PRKAR1B: variants seen among roughly 807,000 people sequenced by gnomAD.
The protein encoded by PRKAR1B is cAMP-dependent protein kinase type I-beta regulatory subunit.
PRKAR1B carries 22 observed loss-of-function variants against 46.5 expected under a neutral mutation model. The observed-to-expected ratio is 0.47, with a 90% CI of 0.34 to 0.68. PRKAR1B has a LOEUF of 0.68. Ranked by LOEUF, PRKAR1B falls within the 30% of genes least tolerant of loss-of-function variation. PRKAR1B has a pLI of 0.01. For synonymous variants in PRKAR1B, 259 were observed against 217.7 expected (o/e 1.19, Z -1.67); for missense variants, 445 against 535.6 (o/e 0.83, Z 1.67).
At chr7:588,902 G>C (rs1474710375) in intron 7 of PRKAR1B, among the ~76,000 whole-genome samples, 2 of 12,150 alleles carry the variant, frequency 1.6e-4, no homozygotes, top group Admixed American at 9.6e-4. Context: ...TGGTGATGGT[G>C]ACGGTGGTGA....
In PRKAR1B at chr7:642,448, G is replaced by A. The variant is rs567293195; in HGVS notation, c.440+34781C>T. Among the ~76,000 whole-genome samples the A allele has an allele frequency of 2.6e-5, 4 of 152,276 alleles. No homozygotes were observed. In the South Asian group the frequency reaches 6.2e-4, roughly 24 times the overall value. On this transcript the variant is annotated intron_variant, in intron 4 of 10. Transcript: ENST00000537384. ...AGCTGTTTAAGAAACAAACTCGGCC[G>A]GGCGCGGTGGCTCACGCCTGTAATC...
At chr7:580,960 G>C (rs951159586) in intron 8 of PRKAR1B, among the ~76,000 whole-genome samples, 3 of 152,108 alleles carry the variant, frequency 2.0e-5, no homozygotes, top group African/African-American at 7.2e-5. Flanking sequence ...GCATAGGGAA[G>C]GGGGGCGAGG....
intron 9 of PRKAR1B, among the ~76,000 whole-genome samples, chr7:553,967 C>T (rs1352858360): frequency 6.6e-6 from 1 of 152,264 alleles, no homozygotes; most frequent in Non-Finnish European, 1.5e-5. Context: ...CAGGGGGAGA[C>T]AGGGAGCGTG....
At chr7:630,950 A>ATTT (rs71652939) in intron 4 of PRKAR1B, among the ~76,000 whole-genome samples, 1 of 137,324 alleles carries the variant, frequency 7.3e-6, no homozygotes. Flanking sequence ...GCTGATTCGG[A>ATTT]TTTTTTTTTT....
At chr7:642,871 C>A (rs979086141) in intron 4 of PRKAR1B, among the ~76,000 whole-genome samples, 14 of 151,546 alleles carry the variant, frequency 9.2e-5, no homozygotes, top group South Asian at 2.1e-4. Flanking sequence ...GGCAGTGAGA[C>A]CGTGGGTCGC....
chr7:635,456 CCCCCCT>C (rs1783992360), intron 4 of PRKAR1B, among the ~76,000 whole-genome samples: 1 of 152,188 alleles, frequency 6.6e-6, no homozygotes, highest in Non-Finnish European at 1.5e-5. Context: ...CCTGCCTGCA[CCCCCCT>C]GGGGCTCAGG....
chr7:679,386 T>C (rs1024063804), intron 3 of PRKAR1B, among the ~76,000 whole-genome samples: 1 of 152,252 alleles, frequency 6.6e-6, no homozygotes, highest in Non-Finnish European at 1.5e-5. Context: ...TGAGCAGGGC[T>C]GGTCAGGCAT....
intron 9 of PRKAR1B, among the ~76,000 whole-genome samples, chr7:558,227 G>A (rs1287039237): frequency 6.6e-6 from 1 of 151,196 alleles, no homozygotes; most frequent in South Asian, 2.1e-4. Flanking sequence ...TCAGGAGGCT[G>A]AGGTGCGAGG....
intron 4 of PRKAR1B, among the ~76,000 whole-genome samples, chr7:649,803 C>T (rs1041350309): frequency 6.6e-6 from 1 of 151,662 alleles, no homozygotes; most frequent in Non-Finnish European, 1.5e-5. Context: ...TGGACTGAAG[C>T]GATCCCCCCA....
intron 4 of PRKAR1B, among the ~76,000 whole-genome samples, chr7:674,009 C>T (rs1411224808): frequency 6.6e-6 from 1 of 152,184 alleles, no homozygotes; most frequent in Non-Finnish European, 1.5e-5. Context: ...CTCCTGCCTC[C>T]CCTTAGAAGG....
In PRKAR1B at chr7:718,364, CTT is replaced by C. The variant is rs149912001; in HGVS notation, c.-22-6839_-22-6838del. On this transcript the variant is annotated intron_variant, in intron 1 of 10. Transcript: ENST00000537384. ...TATATATATCTCCTCCTGCTTCAGC[CTT>C]TTTTTTTTTTTCCAGAGTCTTGCTC... Among the ~76,000 whole-genome samples the C allele has an allele frequency of 5.9e-3, 817 of 138,722 alleles. 11 individuals carry two copies. The highest frequency in any genetic ancestry group is 0.02 in the African/African-American group (759 of 37,734). The allele number at this position is 138,722 out of a possible 152,430, so 91.0% of individuals were successfully genotyped here.
At chr7:647,185 G>A (rs976390086) in intron 4 of PRKAR1B, among the ~76,000 whole-genome samples, 1 of 152,134 alleles carries the variant, frequency 6.6e-6, no homozygotes, top group Non-Finnish European at 1.5e-5. Context: ...TCCGGGGTTG[G>A]GGGCACCAGC....
At chr7:634,560 G>A (rs983944563) in intron 4 of PRKAR1B, among the ~76,000 whole-genome samples, 1 of 152,112 alleles carries the variant, frequency 6.6e-6, no homozygotes, top group African/African-American at 2.4e-5. Flanking sequence ...TGAGCGCTGT[G>A]CCTGTGATGA....
At chr7:705,335 A>G (rs988530537) in intron 2 of PRKAR1B, among the ~76,000 whole-genome samples, 1 of 151,924 alleles carries the variant, frequency 6.6e-6, no homozygotes, top group Non-Finnish European at 1.5e-5. Flanking sequence ...AAAGAAAAAA[A>G]AAAACATTTT....
At chr7:625,394 T>A (rs1783329681) in intron 4 of PRKAR1B, among the ~76,000 whole-genome samples, 1 of 151,900 alleles carries the variant, frequency 6.6e-6, no homozygotes, top group Non-Finnish European at 1.5e-5. Flanking sequence ...AAAAGAAAAG[T>A]AAGAATAAAA....
At position 550,205 on chromosome 7, in the gene PRKAR1B, T is replaced by C; in HGVS notation, c.*225A>G. On this transcript the variant is annotated 3_prime_UTR_variant, in exon 11 of 11. Coordinates refer to ENST00000537384, the MANE Select transcript of PRKAR1B (RefSeq NM_001164760.2). ...GTGGGGAGGAAGCTGGCCTGTCCCT[T>C]CCTTGATCTTGGGATGCATTTTGTC... The C allele has an allele frequency of 1.8e-6, 1 of 555,094 alleles. No homozygotes were observed. The highest frequency in any genetic ancestry group is 3.2e-6 in the Non-Finnish European group (1 of 309,818). The allele number at this position is 555,094 out of a possible 1,614,324, so 34.4% of individuals were successfully genotyped here. A position where few individuals can be genotyped will look rare whatever the true frequency, so the allele number is the denominator to read the frequency against.
chr7:625,638 G>T (rs1388407803), intron 4 of PRKAR1B, among the ~76,000 whole-genome samples: 1 of 151,774 alleles, frequency 6.6e-6, no homozygotes, highest in Non-Finnish European at 1.5e-5. Context: ...TGGACAAGGG[G>T]CATCACTACA....
At chr7:691,008 C>T (rs1280019027) in intron 2 of PRKAR1B, among the ~76,000 whole-genome samples, 1 of 152,154 alleles carries the variant, frequency 6.6e-6, no homozygotes, top group African/African-American at 2.4e-5. Context: ...GGGTCCCGCG[C>T]CCACCCACAC....
intron 2 of PRKAR1B, among the ~76,000 whole-genome samples, chr7:684,101 C>A (rs1303733609): frequency 6.6e-6 from 1 of 151,572 alleles, no homozygotes; most frequent in Non-Finnish European, 1.5e-5. Context: ...CCCACCTCCA[C>A]GTGCACCAAT....
Sources: gnomAD v4.1 joint callset for allele counts (sites outside exome capture counted in the v4.1 genomes callset) on GRCh38, gnomAD v4.1.1 for gene constraint, MANE v1.5 for transcripts, NCBI Gene and HGNC (gene_info 2026-07-23, HGNC 2026-07-21) for gene names.